HHAT: variants seen among roughly 807,000 people sequenced by gnomAD.
The protein encoded by HHAT is hedgehog acyltransferase, also known as protein-cysteine N-palmitoyltransferase HHAT.
HHAT carries 47 observed loss-of-function variants against 70.8 expected under a neutral mutation model. That is an observed-to-expected ratio of 0.66 (90% CI 0.53 to 0.85). The LOEUF is 0.85. HHAT is among the 40% of genes least tolerant of loss of function. The probability of loss-of-function intolerance (pLI) is 0.00; values close to 1 mark genes in which losing one functional copy is unlikely to be tolerated. For synonymous variants in HHAT, 228 were observed against 247.6 expected (o/e 0.92, Z 0.74); for missense variants, 609 against 604.8 (o/e 1.01, Z -0.07).
chr1:210,365,969 A>G (rs1033236058), intron 3 of HHAT, among the ~76,000 whole-genome samples: 1 of 151,410 alleles, frequency 6.6e-6, no homozygotes, highest in Non-Finnish European at 1.5e-5. Context: ...CTGCTCTGTC[A>G]CCCAGGCTGG....
At chr1:210,540,598 C>T (rs1216817531) in intron 9 of HHAT, among the ~76,000 whole-genome samples, 1 of 151,454 alleles carries the variant, frequency 6.6e-6, no homozygotes, top group African/African-American at 2.4e-5. Flanking sequence ...ATAGAAAACA[C>T]ACACTATGTG....
In HHAT at chr1:210,535,869, T is replaced by C. The variant is rs530956742; in HGVS notation, c.1043+22681T>C. Among the ~76,000 whole-genome samples, 8 of 152,296 alleles carry C rather than the reference T, an allele frequency of 5.3e-5. No homozygotes were observed. In the East Asian group the frequency reaches 9.6e-4, roughly 18 times the overall value. On this transcript the variant is annotated intron_variant, in intron 9 of 11. Transcript: ENST00000261458. ...ACAAACATGCAAATATGCTAAAAGC[T>C]GTGTAACCAATAGCATGGCCCCTTT...
At chr1:210,615,416 C>G (rs902603054) in intron 10 of HHAT, among the ~76,000 whole-genome samples, 1 of 152,206 alleles carries the variant, frequency 6.6e-6, no homozygotes, top group Non-Finnish European at 1.5e-5. Flanking sequence ...GTTTGATCGT[C>G]TGAAGCCTTC....
intron 9 of HHAT, among the ~76,000 whole-genome samples, chr1:210,578,175 A>C (rs1379279534): frequency 6.6e-6 from 1 of 152,132 alleles, no homozygotes; most frequent in Non-Finnish European, 1.5e-5. Context: ...CTTTGTTATT[A>C]GTCTGTTTAG....
intron 10 of HHAT, among the ~76,000 whole-genome samples, chr1:210,607,742 T>C (rs1042915366): frequency 3.5e-4 from 53 of 152,004 alleles, no homozygotes; most frequent in African/African-American, 7.0e-4. Flanking sequence ...TTTTTTTTTT[T>C]CCCCGTTACT....
intron 1 of HHAT, among the ~76,000 whole-genome samples, chr1:210,345,898 A>G (rs1356057151): frequency 6.6e-6 from 1 of 151,512 alleles, no homozygotes; most frequent in African/African-American, 2.4e-5. Flanking sequence ...AACCTGGGCA[A>G]CAACAACAAT....
chr1:210,582,495 T>C (rs924026733), intron 9 of HHAT, among the ~76,000 whole-genome samples: 2 of 152,138 alleles, frequency 1.3e-5, no homozygotes, highest in African/African-American at 4.8e-5. Flanking sequence ...GGTGATAATG[T>C]AGCAAGCCAA....
At chr1:210,620,453 G>A (rs2148867062) in intron 10 of HHAT, among the ~76,000 whole-genome samples, 1 of 152,330 alleles carries the variant, frequency 6.6e-6, no homozygotes, top group African/African-American at 2.4e-5. Flanking sequence ...TCTTGTGGAT[G>A]AACCTGACAG....
At chr1:210,372,106 G>A (rs1009138187) in intron 3 of HHAT, among the ~76,000 whole-genome samples, 6 of 152,220 alleles carry the variant, frequency 3.9e-5, no homozygotes, top group Non-Finnish European at 5.9e-5. Flanking sequence ...TATGGCTGAT[G>A]TGTGAAGTAT....
intron 9 of HHAT, among the ~76,000 whole-genome samples, chr1:210,536,213 A>G (rs1165531552): frequency 2.0e-5 from 3 of 152,252 alleles, no homozygotes; most frequent in Admixed American, 2.0e-4. Context: ...GTTCTGGGAC[A>G]TTTGTATGAA....
intron 7 of HHAT, among the ~76,000 whole-genome samples, chr1:210,435,776 G>A (rs2093361169): frequency 6.6e-6 from 1 of 151,708 alleles, no homozygotes; most frequent in South Asian, 2.1e-4. Context: ...TTTGAGAAAT[G>A]TCTTTTAGAT....
chr1:210,497,826 C>T (rs1000149358), intron 8 of HHAT, among the ~76,000 whole-genome samples: 4 of 149,596 alleles, frequency 2.7e-5, no homozygotes, highest in South Asian at 2.1e-4. Flanking sequence ...AGTGCAGTGG[C>T]GCAATCTTGA....
intron 10 of HHAT, among the ~76,000 whole-genome samples, chr1:210,608,146 C>A (rs1194750248): frequency 1.3e-5 from 2 of 152,068 alleles, no homozygotes; most frequent in African/African-American, 2.4e-5. Flanking sequence ...AGTGAAGACT[C>A]CATTTCGAGA....
chr1:210,413,589 T>C (rs1303053084), intron 6 of HHAT, among the ~76,000 whole-genome samples: 1 of 152,228 alleles, frequency 6.6e-6, no homozygotes, highest in African/African-American at 2.4e-5. Context: ...TAGCTAAATA[T>C]CCAATTTCAT....
At chr1:210,641,553 A>C (rs969050897) in intron 11 of HHAT, among the ~76,000 whole-genome samples, 5 of 152,246 alleles carry the variant, frequency 3.3e-5, no homozygotes, top group African/African-American at 1.2e-4. Flanking sequence ...ATAATAAGGT[A>C]CTAGCAGTTC....
At chr1:210,425,295 G>A (rs1301689692) in intron 7 of HHAT, among the ~76,000 whole-genome samples, 1 of 152,144 alleles carries the variant, frequency 6.6e-6, no homozygotes, top group Non-Finnish European at 1.5e-5. Context: ...CATTTTGTAG[G>A]TTGTCTGTTT....
intron 11 of HHAT, among the ~76,000 whole-genome samples, chr1:210,650,853 T>C (rs570582500): frequency 6.6e-6 from 1 of 152,356 alleles, no homozygotes; most frequent in South Asian, 2.1e-4. Flanking sequence ...TTTATTTGCT[T>C]CATGGCATAC....
intron 5 of HHAT, among the ~76,000 whole-genome samples, chr1:210,402,331 C>T (rs1362664503): frequency 6.6e-6 from 1 of 152,186 alleles, no homozygotes; most frequent in Non-Finnish European, 1.5e-5. Flanking sequence ...CCACCTTCAT[C>T]GACCTTCTCC....
intron 8 of HHAT, among the ~76,000 whole-genome samples, chr1:210,467,825 A>G (rs2094135367): frequency 6.6e-6 from 1 of 152,176 alleles, no homozygotes; most frequent in African/African-American, 2.4e-5. Flanking sequence ...CCTCCTGAAC[A>G]CCATGTTGAC....
Sources: gnomAD v4.1 joint callset for allele counts (sites outside exome capture counted in the v4.1 genomes callset) on GRCh38, gnomAD v4.1.1 for gene constraint, MANE v1.5 for transcripts, NCBI Gene and HGNC (gene_info 2026-07-23, HGNC 2026-07-21) for gene names.